The following PRKG1 variants were observed in gnomAD, a reference collection of about 807,000 sequenced individuals.
The protein encoded by PRKG1 is cGMP-dependent protein kinase 1.
Under a neutral mutation model 88.1 loss-of-function variants are expected in PRKG1, and 35 were observed. The observed-to-expected ratio is 0.40, with a 90% CI of 0.30 to 0.53. The LOEUF (loss-of-function observed/expected upper bound fraction) is 0.53. Among genes scored for constraint, PRKG1 ranks in the 20% least tolerant of loss-of-function variants. The pLI, the probability that PRKG1 is intolerant of heterozygous loss-of-function variation, is 0.59. For missense variants in PRKG1, 540 were observed against 839.8 expected, an observed-to-expected ratio of 0.64 and a Z score of 4.41; for synonymous variants, 303 against 292.5, an observed-to-expected ratio of 1.04 and a Z score of -0.37.
Position 51,698,868 on chromosome 10 carries a change from G to T in PRKG1, c.593-105717G>T, listed in dbSNP as rs149125442. On this transcript the variant is annotated intron_variant, in intron 3 of 17. Coordinates refer to ENST00000373980, the MANE Select transcript of PRKG1 (RefSeq NM_006258.4). The stretch of plus-strand genomic sequence containing the variant: ...GCTGGAGGATTCTGCTGGTTCAGCA[G>T]AACATTAGGTCCTGGGCAGAGCCCA... 888 of 1,614,008 alleles carry T rather than the reference G, an allele frequency of 5.5e-4. No homozygotes were observed. Among genetic ancestry groups the T allele is most frequent in the Non-Finnish European group, 7.2e-4 (849 of 1,180,010 alleles).
intron 2 of PRKG1, among the ~76,000 whole-genome samples, chr10:51,182,380 C>G (rs374986585): frequency 9.9e-5 from 15 of 152,120 alleles, no homozygotes; most frequent in African/African-American, 3.6e-4. Context: ...TCAACAGTTC[C>G]AAAGGCCAAC....
Position 51,391,507 on chromosome 10 carries a change from T to C in PRKG1, c.479-76216T>C, listed in dbSNP as rs1837402207. ...ATGGTTCTATTCTTTTAGGAGAGAA[T>C]ATTCACACTTTGGCTTTGCCTTTTG... On this transcript the variant is annotated intron_variant, in intron 2 of 17. Coordinates refer to ENST00000373980, the MANE Select transcript of PRKG1 (RefSeq NM_006258.4). 2.0e-5 allele frequency among the ~76,000 whole-genome samples: 3 copies of C among 152,232 alleles called. No homozygotes were observed. The South Asian group carries it at 6.2e-4, about 31-fold the overall frequency.
At chr10:51,266,175 G>T (rs1839831786) in intron 2 of PRKG1, among the ~76,000 whole-genome samples, 1 of 152,120 alleles carries the variant, frequency 6.6e-6, no homozygotes, top group Non-Finnish European at 1.5e-5. Flanking sequence ...AGTTGGTTGG[G>T]GTCCTGAGGG....
At chr10:52,082,846 T>G (rs1846814179) in intron 7 of PRKG1, among the ~76,000 whole-genome samples, 1 of 152,066 alleles carries the variant, frequency 6.6e-6, no homozygotes, top group Non-Finnish European at 1.5e-5. Context: ...CCAATTTCAG[T>G]AGGTTTGTGT....
chr10:51,957,219 CCT>C (rs1379755803), intron 5 of PRKG1, among the ~76,000 whole-genome samples: 1 of 137,384 alleles, frequency 7.3e-6, no homozygotes, highest in Non-Finnish European at 1.6e-5. Context: ...ACCTCCCTCT[CCT>C]CTCTCTCTTT....
At chr10:52,004,163 C>A (rs1342270550) in intron 5 of PRKG1, among the ~76,000 whole-genome samples, 1 of 152,096 alleles carries the variant, frequency 6.6e-6, no homozygotes, top group Non-Finnish European at 1.5e-5. Context: ...TGTTTCTATT[C>A]AAAATGATAT....
chr10:51,943,396 C>T (rs1269606469), intron 5 of PRKG1, among the ~76,000 whole-genome samples: 5 of 151,954 alleles, frequency 3.3e-5, no homozygotes, highest in African/African-American at 1.2e-4. Flanking sequence ...ATGTCATCTG[C>T]AAACAGGGAC....
Position 51,485,562 on chromosome 10 carries a change from C to T in PRKG1, c.592+17726C>T, listed in dbSNP as rs530454052. Among the ~76,000 whole-genome samples the T allele has an allele frequency of 4.6e-5, 7 of 152,176 alleles. No homozygotes were observed. In the East Asian group the frequency reaches 1.4e-3, roughly 29 times the overall value. On this transcript the variant is annotated intron_variant, in intron 3 of 17. Transcript: ENST00000373980. The stretch of plus-strand genomic sequence containing the variant: ...GAAAGACAGCCCACATACAAATCCC[C>T]TAGTATAATAAAAAGTGATTAAAGT...
At chr10:52,237,816 CTACTT>C (rs1196729148) in intron 9 of PRKG1, among the ~76,000 whole-genome samples, 1 of 140,450 alleles carries the variant, frequency 7.1e-6, no homozygotes, top group Non-Finnish European at 1.5e-5. Context: ...TTGGAAAAAA[CTACTT>C]TAAAGTTTAT....
At chr10:51,938,162 G>T (rs923862516) in intron 5 of PRKG1, among the ~76,000 whole-genome samples, 39 of 152,020 alleles carry the variant, frequency 2.6e-4, no homozygotes, top group African/African-American at 9.4e-4. Context: ...ATCATCACAA[G>T]AAGAAGGGTA....
In PRKG1 at chr10:51,554,076, GCGTATGTGATACGTGT is replaced by G; in HGVS notation, c.592+86241_592+86256del. On this transcript the variant is annotated intron_variant, in intron 3 of 17. Coordinates refer to ENST00000373980, the MANE Select transcript of PRKG1 (RefSeq NM_006258.4). ...TGTGATACGTGTATATATTATATGT[GCGTATGTGATACGTGT>G]ATATATTATATGTGCGTATGTGATA... 1.5e-5 allele frequency among the ~76,000 whole-genome samples: 2 copies of G among 129,654 alleles called. 1 individual carries two copies. The highest frequency in any genetic ancestry group is 4.6e-4 in the South Asian group (2 of 4,384). The allele number at this position is 129,654 out of a possible 152,430, so 85.1% of individuals were successfully genotyped here. A position where few individuals can be genotyped will look rare whatever the true frequency, so the allele number is the denominator to read the frequency against.
chr10:51,738,471 G>C (rs1837349004), intron 3 of PRKG1, among the ~76,000 whole-genome samples: 1 of 152,222 alleles, frequency 6.6e-6, no homozygotes, highest in Non-Finnish European at 1.5e-5. Flanking sequence ...CTTCCTGCAT[G>C]AAGCAGTTGC....
intron 3 of PRKG1, chr10:51,697,891 C>T: frequency 6.2e-7 from 1 of 1,611,500 alleles, no homozygotes; most frequent in Non-Finnish European, 8.5e-7. Context: ...TTCCACCTTG[C>T]TTGCTTGCCC....
chr10:51,627,993 T>TTTC (rs1564579780), intron 3 of PRKG1, among the ~76,000 whole-genome samples: 1 of 23,422 alleles, frequency 4.3e-5, no homozygotes, highest in Non-Finnish European at 9.1e-5. Flanking sequence ...TCTTTCTTTC[T>TTTC]CTCTCTCTCT....
intron 2 of PRKG1, among the ~76,000 whole-genome samples, chr10:51,349,486 G>GTGTGTGTGTGTGTGTATA (rs1564456963): frequency 4.1e-5 from 6 of 146,988 alleles, no homozygotes; most frequent in African/African-American, 1.5e-4. Context: ...GTGTGTGTAT[G>GTGTGTGTGTGTGTGTATA]TGTGTGTGTA....
At chr10:51,673,492 G>A (rs563090849) in intron 3 of PRKG1, among the ~76,000 whole-genome samples, 1 of 152,246 alleles carries the variant, frequency 6.6e-6, no homozygotes, top group African/African-American at 2.4e-5. Flanking sequence ...GTAGTGAGGA[G>A]TTTCAGTAAG....
At chr10:51,656,449 A>C (rs2132322646) in intron 3 of PRKG1, among the ~76,000 whole-genome samples, 1 of 152,224 alleles carries the variant, frequency 6.6e-6, no homozygotes, top group South Asian at 2.1e-4. Flanking sequence ...ATAGTGTGTT[A>C]TGTGGAAACA....
At chr10:51,563,828 C>A (rs1589084660) in intron 3 of PRKG1, among the ~76,000 whole-genome samples, 1 of 152,080 alleles carries the variant, frequency 6.6e-6, no homozygotes, top group African/African-American at 2.4e-5. Context: ...TGGGAGAGAC[C>A]CAGGGAATAG....
chr10:52,074,786 A>G (rs1443482018), intron 7 of PRKG1, among the ~76,000 whole-genome samples: 1 of 152,210 alleles, frequency 6.6e-6, no homozygotes, highest in Non-Finnish European at 1.5e-5. Flanking sequence ...GATGCCTACA[A>G]AAGAAATGCT....
Sources: allele counts gnomAD v4.1 joint callset (sites outside exome capture counted in the v4.1 genomes callset), GRCh38; gene constraint gnomAD v4.1.1; transcripts MANE v1.5; gene names NCBI Gene and HGNC (gene_info 2026-07-23, HGNC 2026-07-21).